MERTK: variants seen among roughly 807,000 people sequenced by gnomAD.
MERTK encodes tyrosine-protein kinase Mer.
MERTK carries 69 observed loss-of-function variants against 99.3 expected under a neutral mutation model. That is an observed-to-expected ratio of 0.70 (90% CI 0.57 to 0.85). The LOEUF is 0.85. MERTK is among the 40% of genes least tolerant of loss of function. The pLI is 0.00. For synonymous variants in MERTK, 426 were observed against 467.6 expected, an observed-to-expected ratio of 0.91 and a Z score of 1.15; for missense variants, 1,125 against 1,249.4, an observed-to-expected ratio of 0.90 and a Z score of 1.50.
intron 15 of MERTK, chr2:112,015,946 G>T (rs1677207523): frequency 9.5e-6 from 1 of 105,316 alleles, no homozygotes; most frequent in Non-Finnish European, 2.3e-5. Context: ...AATCCATTGA[G>T]TTGCTCTTGT....
intron 4 of MERTK, among the ~76,000 whole-genome samples, chr2:111,951,768 T>C (rs1409084393): frequency 6.6e-6 from 1 of 151,936 alleles, no homozygotes; most frequent in Non-Finnish European, 1.5e-5. Context: ...TTTTCCTTAA[T>C]GGCTATGCCA....
At chr2:111,920,446 C>T (rs578047137) in intron 1 of MERTK, among the ~76,000 whole-genome samples, 8 of 152,270 alleles carry the variant, frequency 5.3e-5, no homozygotes, top group African/African-American at 1.7e-4. Flanking sequence ...GCGTGATCGC[C>T]TCTTCCTCCT....
At chr2:111,993,853 C>G (rs2104398503) in intron 8 of MERTK, among the ~76,000 whole-genome samples, 1 of 152,192 alleles carries the variant, frequency 6.6e-6, no homozygotes, top group South Asian at 2.1e-4. Context: ...GGTTCAAGGG[C>G]AGGTGGCAGG....
At chr2:111,946,221 G>C (rs1684959261) in intron 3 of MERTK, among the ~76,000 whole-genome samples, 1 of 151,982 alleles carries the variant, frequency 6.6e-6, no homozygotes, top group Admixed American at 6.5e-5. Flanking sequence ...CCAAAGAGGG[G>C]GTTTCCTACA....
chr2:111,992,156 C>T (rs1451582993), intron 8 of MERTK, among the ~76,000 whole-genome samples: 2 of 152,148 alleles, frequency 1.3e-5, no homozygotes, highest in Admixed American at 6.5e-5. Flanking sequence ...GAAGGAGCCA[C>T]GCACAGAGAG....
chr2:112,010,128 A>C, intron 15 of MERTK, 62 bp downstream of exon 15: 1 of 1,208,968 alleles, frequency 8.3e-7, no homozygotes, highest in Non-Finnish European at 1.2e-6. Context: ...TAGCCAGGAC[A>C]ACCAAATCAT....
At chr2:112,019,389 C>A in intron 15 of MERTK, 24 bp from the exon 16 acceptor site, 1 of 1,563,216 alleles carries the variant, frequency 6.4e-7, no homozygotes, top group Non-Finnish European at 8.8e-7. Context: ...GATAGTCTTT[C>A]TTCTTGTTTC....
intron 10 of MERTK, among the ~76,000 whole-genome samples, chr2:111,999,373 A>G (rs1204209482): frequency 2.0e-5 from 3 of 152,128 alleles, no homozygotes; most frequent in Non-Finnish European, 4.4e-5. Context: ...TTCATGGCTC[A>G]CTGCAGCCTT....
rs762570588 is a variant in MERTK, at chr2:111,929,435, C to T, written c.377C>T (p.Thr126Ile). ...AGTGTACCTAATATATACCAGGACA[C>T]CACAATTTCTTGGTGGAAAGATGGG... ...SISVPNIYQD[T>I]TISWWKDGKE... is the part of the protein sequence containing the mutation. The change falls in exon 2 of 19, where the codon ACC becomes ATC. Residue 126 changes from threonine to isoleucine, a missense_variant. By Grantham distance (89) the Thr-to-Ile change is moderately conservative. Coordinates refer to ENST00000295408, the MANE Select transcript of MERTK (RefSeq NM_006343.3). 1.2e-6 allele frequency: 2 copies of T among 1,614,052 alleles called. No homozygotes were observed. The highest frequency in any genetic ancestry group is 1.7e-6 in the Non-Finnish European group (2 of 1,179,968).
At chr2:111,943,722 G>T (rs1338955763) in intron 2 of MERTK, among the ~76,000 whole-genome samples, 1 of 152,124 alleles carries the variant, frequency 6.6e-6, no homozygotes, top group African/African-American at 2.4e-5. Context: ...TAGGGCCCCA[G>T]AAAGTTCTAA....
At chr2:112,004,356 G>T (rs1676937564) in intron 13 of MERTK, among the ~76,000 whole-genome samples, 1 of 151,986 alleles carries the variant, frequency 6.6e-6, no homozygotes, top group African/African-American at 2.4e-5. Flanking sequence ...TGACCCCAGG[G>T]GTTGTTCTGG....
intron 8 of MERTK, among the ~76,000 whole-genome samples, chr2:111,989,360 C>T (rs947481649): frequency 3.5e-5 from 5 of 142,502 alleles, no homozygotes; most frequent in East Asian, 2.1e-4. Flanking sequence ...GTTGTGAATT[C>T]TTTTTTTTTT....
Position 112,022,274 on chromosome 2 carries a change from C to A in MERTK, c.2366C>A (p.Thr789Asn), listed in dbSNP as rs185118842. The A allele has an allele frequency of 6.2e-7, 1 of 1,614,206 alleles. No homozygotes were observed. The highest frequency in any genetic ancestry group is 1.7e-5 in the Admixed American group (1 of 60,026). The change falls in exon 18 of 19, where the codon ACC becomes AAC. Residue 789 changes from threonine to asparagine, a missense_variant. Physicochemically the swap from Thr to Asn is moderately conservative, Grantham distance 65. Transcript: ENST00000295408. ...SKSDVWAFGV[T>N]MWEIATRGMT... Reference sequence around the variant, plus strand: ...TGTTCCCAGTGGGCATTTGGCGTGACCATGTGGGAAATAGCTACGCGGGGA... The same window carrying A: ...TGTTCCCAGTGGGCATTTGGCGTGAACATGTGGGAAATAGCTACGCGGGGA...
chr2:111,974,227 A>G (rs1302641978), intron 6 of MERTK, among the ~76,000 whole-genome samples: 2 of 40,684 alleles, frequency 4.9e-5, no homozygotes, highest in African/African-American at 2.4e-4. Flanking sequence ...CACCTCTACT[A>G]AAAAAAAAAA....
intron 1 of MERTK, among the ~76,000 whole-genome samples, chr2:111,920,119 G>GTTATATTT (rs1684427128): frequency 6.6e-6 from 1 of 152,046 alleles, no homozygotes; most frequent in African/African-American, 2.4e-5. Flanking sequence ...GTAAATCCGG[G>GTTATATTT]GTGTTCCCAT....
chr2:111,995,230 A>T (rs937624676), intron 9 of MERTK: 2 of 155,520 alleles, frequency 1.3e-5, no homozygotes, highest in East Asian at 3.8e-4. Flanking sequence ...ATGCCCAGCC[A>T]TGCGTGTTGG....
intron 1 of MERTK, among the ~76,000 whole-genome samples, chr2:111,911,891 A>G (rs946515788): frequency 2.0e-5 from 3 of 150,870 alleles, no homozygotes; most frequent in Non-Finnish European, 4.4e-5. Context: ...GTTTTGCCAC[A>G]TTGTCGAGGC....
At chr2:112,022,128 C>T (rs941392852) in intron 17 of MERTK, 130 bp from the exon 18 acceptor site, 76 of 1,249,152 alleles carry the variant, frequency 6.1e-5, no homozygotes, top group African/African-American at 1.2e-4. Context: ...GAGAGCAGTG[C>T]GTCTCACACA....
chr2:111,996,912 G>T, intron 9 of MERTK: 1 of 257,516 alleles, frequency 3.9e-6, no homozygotes, highest in Non-Finnish European at 7.7e-6. Flanking sequence ...TTTTTACAAA[G>T]AAATGACACT....
Sources: gnomAD v4.1 joint callset for allele counts (sites outside exome capture counted in the v4.1 genomes callset) on GRCh38, gnomAD v4.1.1 for gene constraint, MANE v1.5 for transcripts, NCBI Gene and HGNC (gene_info 2026-07-23, HGNC 2026-07-21) for gene names.